FAM135A: variants seen among roughly 807,000 people sequenced by gnomAD.
FAM135A encodes protein FAM135A.
FAM135A carries 79 observed loss-of-function variants against 146.8 expected under a neutral mutation model. The ratio of observed to expected loss-of-function variants is 0.54; its 90% CI spans 0.45 to 0.65. FAM135A has a LOEUF of 0.65. Among genes scored for constraint, FAM135A ranks in the 30% least tolerant of loss-of-function variants. The pLI is 0.00. For synonymous variants in FAM135A, 562 were observed against 603.6 expected (o/e 0.93, Z 1.01); for missense variants, 1,623 against 1,758.2 (o/e 0.92, Z 1.38).
chr6:70,460,861 T>G (rs913588202), intron 5 of FAM135A, among the ~76,000 whole-genome samples: 3 of 151,926 alleles, frequency 2.0e-5, no homozygotes, highest in African/African-American at 7.3e-5. Flanking sequence ...TTTTTTTTTT[T>G]TTTAAGTAGA....
chr6:70,536,477 T>C, intron 19 of FAM135A, 66 bp downstream of exon 19: 1 of 1,294,640 alleles, frequency 7.7e-7, no homozygotes, highest in Non-Finnish European at 1.0e-6. Flanking sequence ...CTTAGTATTT[T>C]CTGGTGTTTA....
rs1403376388 is a variant in FAM135A at position 70,526,065 on chromosome 6, G to T, written c.2981G>T (p.Arg994Ile). Residue 994 changes from arginine to isoleucine, a missense_variant, in exon 15 of 22, where the codon AGA (arginine) becomes ATA (isoleucine). Around this residue, in one of 7 missense-constraint regions of FAM135A, gnomAD observed 1,061 missense variants for 1,113.8 expected, o/e 0.95. Coordinates refer to ENST00000418814, the MANE Select transcript of FAM135A (RefSeq NM_001162529.3). ...ISSNTDVSEDRTMKKNSDVLN... is the reference protein window; with the variant it reads ...ISSNTDVSEDITMKKNSDVLN... Reference sequence around the variant, plus strand: ...AGTAATACAGATGTTAGTGAAGATAGAACTATGAAAAAAAATAGTGATGTA... The same window carrying T: ...AGTAATACAGATGTTAGTGAAGATATAACTATGAAAAAAAATAGTGATGTA... The T allele has an allele frequency of 1.2e-5, 19 of 1,611,828 alleles. No homozygotes were observed. In the Admixed American group the frequency reaches 3.2e-4, roughly 27 times the overall value.
rs762347994 is a variant in FAM135A at position 70,481,059 on chromosome 6, C to T, written c.669+32C>T. On this transcript the variant is annotated intron_variant, in intron 9 of 21. Transcript: ENST00000418814. Reference sequence around the variant, plus strand: ...ACTGAATATGTTTATAAATCTTCTCCTTATTTTAAAAGAAGTGTTTTTAAC... The same window carrying T: ...ACTGAATATGTTTATAAATCTTCTCTTTATTTTAAAAGAAGTGTTTTTAAC... The T allele has an allele frequency of 3.3e-6, 5 of 1,508,590 alleles. No individual in the cohort carries two copies. The Admixed American group carries it at 6.9e-5, about 21-fold the overall frequency. The allele number at this position is 1,508,590 out of a possible 1,614,324, so 93.5% of individuals were successfully genotyped here.
At chr6:70,451,825 A>G (rs1454901105) in intron 4 of FAM135A, among the ~76,000 whole-genome samples, 1 of 152,148 alleles carries the variant, frequency 6.6e-6, no homozygotes, top group African/African-American at 2.4e-5. Context: ...TTTTGTGTGT[A>G]TAGGTGTATG....
intron 5 of FAM135A, among the ~76,000 whole-genome samples, chr6:70,457,001 T>C (rs1041346856): frequency 6.6e-6 from 1 of 152,200 alleles, no homozygotes; most frequent in African/African-American, 2.4e-5. Flanking sequence ...AATCTATTCA[T>C]TGCAGTGATC....
chr6:70,499,882 G>A lies in FAM135A; in HGVS notation c.874-2754G>A, dbSNP rs545593366. ...CTGGGCTTCCCTTTGTAGGTAACCT[G>A]ACCTTTCTCTCTGGCTTCCCTTACC... On this transcript the variant is annotated intron_variant, in intron 11 of 21. Transcript: ENST00000418814. Among the ~76,000 whole-genome samples the A allele has an allele frequency of 2.0e-5, 3 of 152,286 alleles. No individual in the cohort carries two copies. In the South Asian group the frequency reaches 6.2e-4, roughly 32 times the overall value.
rs1487234050 is a variant in FAM135A at position 70,486,194 on chromosome 6, A to C, written c.823+4040A>C. 3 of 1,613,786 alleles carry C rather than the reference A, an allele frequency of 1.9e-6. No individual in the cohort carries two copies. In the African/African-American group the frequency reaches 4.0e-5, roughly 22 times the overall value. Reference sequence around the variant, plus strand: ...AAGGCCAACATGCAGCTCCTATATGAGCGTCTTCTCAGAAGAAAACAGCTA... The same window carrying C: ...AAGGCCAACATGCAGCTCCTATATGCGCGTCTTCTCAGAAGAAAACAGCTA... On this transcript the variant is annotated intron_variant, in intron 10 of 21. Transcript: ENST00000418814.
rs367628406 is a variant in FAM135A, at chr6:70,516,328, G to A, written c.1030-6185G>A. ...TAGAAAGAGTGGGAACTGAAATTTG[G>A]CCTGTCCTCCTTGGAGTCTAGTTGC... is the stretch of plus-strand genomic sequence containing the variant. On this transcript the variant is annotated intron_variant, in intron 12 of 21. Transcript: ENST00000418814. Among the ~76,000 whole-genome samples, 5 of 152,104 alleles carry A rather than the reference G, an allele frequency of 3.3e-5. No homozygotes were observed. The East Asian group carries it at 7.7e-4, about 24-fold the overall frequency.
At position 70,415,280 on chromosome 6, in the gene FAM135A, CTT is replaced by C. The variant is rs1767312157; in HGVS notation, c.-219-9_-219-8del. The C allele has an allele frequency of 6.6e-6, 1 of 152,136 alleles. No individual in the cohort carries two copies. Among genetic ancestry groups the C allele is most frequent in the Non-Finnish European group, 1.5e-5 (1 of 68,010 alleles). The allele number at this position is 152,136 out of a possible 1,614,324, so 9.4% of individuals were successfully genotyped here. A position where few individuals can be genotyped will look rare whatever the true frequency, so the allele number is the denominator to read the frequency against. ...AGCAATTATGTTTAGTGAAGTTTGT[CTT>C]TATTGTAGGGTTGAAGATCAACTGG... On this transcript the variant is annotated splice_polypyrimidine_tract_variant and intron_variant, in intron 1 of 21. Transcript: ENST00000418814.
rs1279809652 is a variant in FAM135A, at chr6:70,524,334, G to A, written c.1259-9G>A. ...TTTAAACCTGAATCTTTTTTTCTTTGGATAAAAGACTTAGATGCACCCTGG... is the reference window on the plus strand; with the variant it reads ...TTTAAACCTGAATCTTTTTTTCTTTAGATAAAAGACTTAGATGCACCCTGG... On this transcript the variant is annotated splice_polypyrimidine_tract_variant and intron_variant, in intron 14 of 21. Transcript: ENST00000418814. 1 of 1,466,110 alleles carries A rather than the reference G, an allele frequency of 6.8e-7. No individual in the cohort carries two copies. The highest frequency in any genetic ancestry group is 1.4e-5 in the African/African-American group (1 of 69,626). The allele number at this position is 1,466,110 out of a possible 1,614,324, so 90.8% of individuals were successfully genotyped here.
chr6:70,466,797 A>G (rs577568417), intron 5 of FAM135A, among the ~76,000 whole-genome samples: 4 of 152,332 alleles, frequency 2.6e-5, no homozygotes, highest in Non-Finnish European at 5.9e-5. Context: ...TACACCTTCA[A>G]ATAAGCCAAG....
chr6:70,550,623 A>G (rs1388271572), intron 20 of FAM135A, among the ~76,000 whole-genome samples: 1 of 152,218 alleles, frequency 6.6e-6, no homozygotes, highest in African/African-American at 2.4e-5. Context: ...TTGTTCCATT[A>G]ATAGAGCACA....
intron 5 of FAM135A, among the ~76,000 whole-genome samples, chr6:70,453,672 T>A (rs1435556188): frequency 6.6e-6 from 1 of 152,132 alleles, no homozygotes; most frequent in Non-Finnish European, 1.5e-5. Flanking sequence ...GTGTTTGGTT[T>A]TCTGTCCTTG....
chr6:70,456,280 G>A (rs753986745), intron 5 of FAM135A, among the ~76,000 whole-genome samples: 2 of 152,182 alleles, frequency 1.3e-5, no homozygotes, highest in African/African-American at 2.4e-5. Context: ...TCCTTGTTAT[G>A]TCAGGCATGA....
chr6:70,483,463 T>G (rs1377660975), intron 10 of FAM135A, among the ~76,000 whole-genome samples: 2 of 152,226 alleles, frequency 1.3e-5, no homozygotes, highest in African/African-American at 4.8e-5. Flanking sequence ...TCTATTTTCC[T>G]TGCTACTTTA....
At chr6:70,547,413 C>T (rs1799044562) in intron 20 of FAM135A, among the ~76,000 whole-genome samples, 1 of 152,112 alleles carries the variant, frequency 6.6e-6, no homozygotes, top group Admixed American at 6.5e-5. Flanking sequence ...GTTTTCTTAG[C>T]TTCAGCACTA....
intron 5 of FAM135A, among the ~76,000 whole-genome samples, chr6:70,471,433 A>C (rs1050760207): frequency 1.1e-4 from 16 of 152,136 alleles, no homozygotes; most frequent in African/African-American, 3.6e-4. Context: ...AGGTGGAAGT[A>C]TGGGAGGAGA....
At position 70,480,966 on chromosome 6, in the gene FAM135A, T is replaced by G; in HGVS notation, c.608T>G (p.Val203Gly). The change falls in exon 9 of 22, where the codon GTG becomes GGG. Residue 203 changes from valine (V) to glycine (G), a missense_variant. Coordinates refer to ENST00000418814, the MANE Select transcript of FAM135A (RefSeq NM_001162529.3). ...RNAPAQNKDS[V>G]IPTLESVVFG... is the part of the protein sequence containing the mutation. ...GCACCAGCACAAAACAAAGATTCCG[T>G]GATTCCTACTCTTGAAAGTGTGGTC... is the stretch of plus-strand genomic sequence containing the variant. The G allele has an allele frequency of 6.2e-7, 1 of 1,612,746 alleles. No homozygotes were observed. The highest frequency in any genetic ancestry group is 1.1e-5 in the South Asian group (1 of 90,916).
chr6:70,477,341 G>A lies in FAM135A; in HGVS notation c.542+9G>A, dbSNP rs774568102. ...CACCAGCCACTAATAAGGTAAATTT[G>A]ACTAATATTTTTGTATTAAGCCATT... On this transcript the variant is annotated intron_variant, in intron 8 of 21. Coordinates refer to ENST00000418814, the MANE Select transcript of FAM135A (RefSeq NM_001162529.3). 4 of 1,610,570 alleles carry A rather than the reference G, an allele frequency of 2.5e-6. No homozygotes were observed. Among genetic ancestry groups the A allele is most frequent in the East Asian group, 2.2e-5 (1 of 44,746 alleles).
Sources: allele counts gnomAD v4.1 joint callset (sites outside exome capture counted in the v4.1 genomes callset), GRCh38; gene constraint gnomAD v4.1.1; regional missense constraint gnomAD v4.1.1; transcripts MANE v1.5; gene names NCBI Gene and HGNC (gene_info 2026-07-23, HGNC 2026-07-21).